The following GRID2 variants were observed in gnomAD, a reference collection of about 807,000 sequenced individuals.
The protein encoded by GRID2 is glutamate ionotropic receptor delta type subunit 2.
GRID2 carries 33 observed loss-of-function variants against 114.8 expected under a neutral mutation model. The observed-to-expected ratio is 0.29, with a 90% CI of 0.22 to 0.38. The LOEUF is 0.38. GRID2 is among the 10% of genes least tolerant of loss of function. The pLI is 1.00. For missense variants in GRID2, 1,184 were observed against 1,257.7 expected, an observed-to-expected ratio of 0.94 and a Z score of 0.89; for synonymous variants, 505 against 449.9, an observed-to-expected ratio of 1.12 and a Z score of -1.55.
At chr4:93,306,912 G>C (rs1449747050) in intron 8 of GRID2, among the ~76,000 whole-genome samples, 1 of 152,050 alleles carries the variant, frequency 6.6e-6, no homozygotes, top group African/African-American at 2.4e-5. Context: ...ATAACCTACT[G>C]TGGGGCCAGG....
At chr4:93,763,465 T>TATA (rs1733381504) in intron 14 of GRID2, among the ~76,000 whole-genome samples, 1 of 152,218 alleles carries the variant, frequency 6.6e-6, no homozygotes, top group Non-Finnish European at 1.5e-5. Flanking sequence ...GCTATCACAC[T>TATA]ATAATTATAT....
chr4:93,483,934 G>GT lies in GRID2; in HGVS notation c.1859-6695dup, dbSNP rs547730847. ...TACTTTTTTAGCAAGGTGAGATTAT[G>GT]TTTTTTTTTTAATTTGGCACATAAT... On this transcript the variant is annotated intron_variant, in intron 11 of 15. Coordinates refer to ENST00000282020, the MANE Select transcript of GRID2 (RefSeq NM_001510.4). Among the ~76,000 whole-genome samples the GT allele has an allele frequency of 7.9e-3, 1,168 of 147,208 alleles. 6 individuals are homozygous for GT. The highest frequency in any genetic ancestry group is 9.3e-3 in the African/African-American group (375 of 40,262).
intron 14 of GRID2, among the ~76,000 whole-genome samples, chr4:93,726,032 T>C (rs557299948): frequency 7.9e-5 from 12 of 152,340 alleles, no homozygotes; most frequent in Non-Finnish European, 1.3e-4. Context: ...CCATTGCTTT[T>C]GGTGTTTTAG....
chr4:93,344,751 T>C (rs1468379654), intron 8 of GRID2, among the ~76,000 whole-genome samples: 1 of 151,676 alleles, frequency 6.6e-6, no homozygotes, highest in East Asian at 1.9e-4. Flanking sequence ...AACTGTATCT[T>C]TTAACCAGTA....
chr4:93,097,495 G>C (rs757887010), intron 3 of GRID2, among the ~76,000 whole-genome samples: 2 of 151,870 alleles, frequency 1.3e-5, no homozygotes, highest in African/African-American at 2.4e-5. Flanking sequence ...AAGTATATTA[G>C]AATCTCTAGA....
At chr4:93,587,926 T>C (rs1260173788) in intron 13 of GRID2, among the ~76,000 whole-genome samples, 5 of 152,216 alleles carry the variant, frequency 3.3e-5, no homozygotes, top group African/African-American at 1.2e-4. Context: ...TATCAGATAA[T>C]CATTCTTTCT....
chr4:93,380,168 A>T (rs1278469132), intron 8 of GRID2, among the ~76,000 whole-genome samples: 1 of 152,092 alleles, frequency 6.6e-6, no homozygotes, highest in Non-Finnish European at 1.5e-5. Context: ...TGGGCTCCAA[A>T]TCTAATGGCA....
chr4:93,252,333 T>TG (rs1749050658), intron 8 of GRID2, among the ~76,000 whole-genome samples: 1 of 148,992 alleles, frequency 6.7e-6, no homozygotes, highest in African/African-American at 2.5e-5. Context: ...TCCTTCATTT[T>TG]TTTTTTTTTT....
chr4:93,379,241 G>A (rs1033303310), intron 8 of GRID2, among the ~76,000 whole-genome samples: 1 of 151,982 alleles, frequency 6.6e-6, no homozygotes, highest in Non-Finnish European at 1.5e-5. Context: ...TTATCAATAA[G>A]ACAAGTAATA....
chr4:92,377,567 C>G (rs1398874066), intron 1 of GRID2, among the ~76,000 whole-genome samples: 3 of 152,182 alleles, frequency 2.0e-5, no homozygotes, highest in Non-Finnish European at 2.9e-5. Context: ...CAGCATCCCA[C>G]TCTACTCATA....
chr4:92,897,549 G>A (rs779038313), intron 2 of GRID2, among the ~76,000 whole-genome samples: 2 of 152,102 alleles, frequency 1.3e-5, no homozygotes, highest in Admixed American at 1.3e-4. Context: ...GGACTTACAC[G>A]TGGGTGCCCT....
chr4:93,798,909 C>A (rs76516202), intron 1 of GRID2, among the ~76,000 whole-genome samples: 7,533 of 152,186 alleles, frequency 0.049, 264 homozygotes, highest in Non-Finnish European at 0.076. Flanking sequence ...TACATAACAC[C>A]AGTTCCTGTC....
chr4:92,827,381 A>G (rs1741785268), intron 2 of GRID2, among the ~76,000 whole-genome samples: 1 of 151,154 alleles, frequency 6.6e-6, no homozygotes, highest in Non-Finnish European at 1.5e-5. Context: ...CTTTTTAGCA[A>G]TGTAAAGGGA....
intron 2 of GRID2, among the ~76,000 whole-genome samples, chr4:93,073,527 CA>C (rs1344678266): frequency 6.6e-6 from 1 of 152,036 alleles, no homozygotes; most frequent in Non-Finnish European, 1.5e-5. Context: ...TTGGGGTAGT[CA>C]AAAATTATAG....
chr4:92,366,868 CAATA>C (rs1278582900), intron 1 of GRID2, among the ~76,000 whole-genome samples: 6 of 151,832 alleles, frequency 4.0e-5, no homozygotes, highest in Non-Finnish European at 8.8e-5. Flanking sequence ...GCAAAAGAAA[CAATA>C]AAATAAGACA....
chr4:92,654,141 C>T (rs1212208057), intron 2 of GRID2, among the ~76,000 whole-genome samples: 1 of 151,814 alleles, frequency 6.6e-6, no homozygotes, highest in Non-Finnish European at 1.5e-5. Flanking sequence ...GCTTAAGCAA[C>T]AATTTATTTT....
At chr4:93,451,334 T>C (rs1722663483) in intron 10 of GRID2, among the ~76,000 whole-genome samples, 1 of 152,056 alleles carries the variant, frequency 6.6e-6, no homozygotes. Flanking sequence ...AAAGAGATAG[T>C]GGATAGCTTC....
chr4:93,291,288 A>G (rs1456190524), intron 8 of GRID2, among the ~76,000 whole-genome samples: 1 of 152,226 alleles, frequency 6.6e-6, no homozygotes, highest in Admixed American at 6.5e-5. Flanking sequence ...GCATCAGGCC[A>G]GAGGATAGGC....
chr4:93,121,884 A>C (rs891820047), intron 4 of GRID2, among the ~76,000 whole-genome samples: 1 of 152,036 alleles, frequency 6.6e-6, no homozygotes, highest in African/African-American at 2.4e-5. Context: ...TTTCTGATGG[A>C]TGATTTATTT....
Sources: allele counts gnomAD v4.1 joint callset (sites outside exome capture counted in the v4.1 genomes callset), GRCh38; gene constraint gnomAD v4.1.1; transcripts MANE v1.5; gene names NCBI Gene and HGNC (gene_info 2026-07-23, HGNC 2026-07-21).